The following KCNH1 variants were observed in gnomAD, a reference collection of about 807,000 sequenced individuals.
KCNH1 encodes potassium voltage-gated channel subfamily H member 1, also known as voltage-gated delayed rectifier potassium channel KCNH1.
KCNH1 carries 27 observed loss-of-function variants against 69.2 expected under a neutral mutation model. That is an observed-to-expected ratio of 0.39 (90% CI 0.29 to 0.54). The LOEUF is 0.54. Ranked by LOEUF, KCNH1 falls within the 20% of genes least tolerant of loss-of-function variation. The probability of loss-of-function intolerance (pLI) is 0.68; values close to 1 mark genes in which losing one functional copy is unlikely to be tolerated. For synonymous variants in KCNH1, 456 were observed against 487.7 expected (o/e 0.93, Z 0.86); for missense variants, 798 against 1,261.6 (o/e 0.63, Z 5.57).
intron 5 of KCNH1, among the ~76,000 whole-genome samples, chr1:211,039,995 C>T (rs556962969): frequency 2.0e-5 from 3 of 152,238 alleles, no homozygotes; most frequent in Admixed American, 6.5e-5. Context: ...CGAGACCATC[C>T]TGGCTAACAC....
intron 7 of KCNH1, among the ~76,000 whole-genome samples, chr1:210,910,809 T>A (rs1271877808): frequency 1.3e-5 from 2 of 152,258 alleles, no homozygotes; most frequent in African/African-American, 4.8e-5. Flanking sequence ...TCATTCATCA[T>A]TATTAATACT....
chr1:211,045,680 A>G (rs1690084494), intron 5 of KCNH1, among the ~76,000 whole-genome samples: 1 of 152,126 alleles, frequency 6.6e-6, no homozygotes, highest in African/African-American at 2.4e-5. Flanking sequence ...CCTCTTTATT[A>G]TTGTCTGATA....
At chr1:210,714,096 TCTC>T (rs1185899562) in intron 10 of KCNH1, among the ~76,000 whole-genome samples, 3 of 152,118 alleles carry the variant, frequency 2.0e-5, no homozygotes, top group Non-Finnish European at 2.9e-5. Flanking sequence ...GAAGAGGTCT[TCTC>T]CTATCTAGAG....
intron 10 of KCNH1, among the ~76,000 whole-genome samples, chr1:210,686,027 G>A (rs1681401236): frequency 6.6e-6 from 1 of 152,134 alleles, no homozygotes; most frequent in Admixed American, 6.5e-5. Context: ...TCCAGTATGT[G>A]GCTTTCTGAC....
chr1:210,937,761 ACC>A (rs1687798937), intron 6 of KCNH1, among the ~76,000 whole-genome samples: 1 of 152,096 alleles, frequency 6.6e-6, no homozygotes, highest in African/African-American at 2.4e-5. Flanking sequence ...TCTTTTAATA[ACC>A]TTTTTTCCTC....
chr1:210,737,639 C>G (rs1275653086), intron 10 of KCNH1, among the ~76,000 whole-genome samples: 1 of 152,168 alleles, frequency 6.6e-6, no homozygotes, highest in African/African-American at 2.4e-5. Flanking sequence ...ATGCCCTCTC[C>G]CCCTGCACAT....
chr1:210,917,253 A>AAGAAAGAT (rs1687361812), intron 7 of KCNH1, among the ~76,000 whole-genome samples: 1 of 148,530 alleles, frequency 6.7e-6, no homozygotes, highest in African/African-American at 2.5e-5. Flanking sequence ...GAAAGAAAGA[A>AAGAAAGAT]AGAAAGAAAG....
intron 7 of KCNH1, among the ~76,000 whole-genome samples, chr1:210,887,823 G>A (rs1056211925): frequency 9.3e-5 from 14 of 150,704 alleles, no homozygotes; most frequent in East Asian, 3.9e-4. Flanking sequence ...AGGCCATTAC[G>A]TAATGGTAAA....
chr1:210,939,590 A>G (rs565500675), intron 6 of KCNH1, among the ~76,000 whole-genome samples: 2 of 152,314 alleles, frequency 1.3e-5, no homozygotes, highest in African/African-American at 2.4e-5. Flanking sequence ...AGAATAATCA[A>G]TATTTATTGA....
chr1:210,910,067 C>T (rs1045481013), intron 7 of KCNH1, among the ~76,000 whole-genome samples: 3 of 151,560 alleles, frequency 2.0e-5, no homozygotes, highest in African/African-American at 7.3e-5. Flanking sequence ...GGTAAACAGT[C>T]AGAGGTGGTC....
chr1:210,943,000 T>C (rs1031489231), intron 6 of KCNH1, among the ~76,000 whole-genome samples: 5 of 152,172 alleles, frequency 3.3e-5, no homozygotes, highest in Non-Finnish European at 5.9e-5. Flanking sequence ...ATAAAAATAA[T>C]TTTAAAGAAC....
intron 1 of KCNH1, among the ~76,000 whole-genome samples, chr1:211,109,985 C>A (rs1691427952): frequency 6.9e-6 from 1 of 144,384 alleles, no homozygotes; most frequent in Non-Finnish European, 1.5e-5. Flanking sequence ...TAAAGTCTTA[C>A]AGAAAGTAGT....
chr1:210,805,230 T>C (rs1338143103), intron 7 of KCNH1, among the ~76,000 whole-genome samples: 1 of 152,230 alleles, frequency 6.6e-6, no homozygotes, highest in Admixed American at 6.5e-5. Context: ...CCCTAGGATC[T>C]AACACTATAC....
At chr1:211,080,301 G>A (rs1224628983) in intron 5 of KCNH1, among the ~76,000 whole-genome samples, 1 of 152,104 alleles carries the variant, frequency 6.6e-6, no homozygotes, top group Non-Finnish European at 1.5e-5. Flanking sequence ...ACAAACCACT[G>A]CTCGATGAAA....
chr1:211,119,993 C>G (rs1239446521), intron 1 of KCNH1, among the ~76,000 whole-genome samples: 1 of 151,978 alleles, frequency 6.6e-6, no homozygotes, highest in African/African-American at 2.4e-5. Context: ...AACAGATGAA[C>G]CAGTTTCACA....
chr1:211,039,496 A>T (rs1689953105), intron 5 of KCNH1, among the ~76,000 whole-genome samples: 1 of 152,154 alleles, frequency 6.6e-6, no homozygotes, highest in African/African-American at 2.4e-5. Context: ...TCCACTGTGC[A>T]CCCAGAAAAG....
At chr1:210,931,215 A>G (rs1687674170) in intron 6 of KCNH1, among the ~76,000 whole-genome samples, 1 of 152,210 alleles carries the variant, frequency 6.6e-6, no homozygotes, top group Non-Finnish European at 1.5e-5. Context: ...ACTTGCACAC[A>G]CATATTTATT....
At chr1:210,711,715 A>G (rs1211525471) in intron 10 of KCNH1, among the ~76,000 whole-genome samples, 1 of 152,198 alleles carries the variant, frequency 6.6e-6, no homozygotes, top group Non-Finnish European at 1.5e-5. Flanking sequence ...CGCTATGGTC[A>G]TCAACTTTCT....
chr1:211,111,485 A>G (rs1012637360), intron 1 of KCNH1, among the ~76,000 whole-genome samples: 2 of 141,568 alleles, frequency 1.4e-5, no homozygotes, highest in African/African-American at 5.4e-5. Context: ...ATCGTCTGGG[A>G]AGTGAGAACG....
Sources: gnomAD v4.1 joint callset for allele counts (sites outside exome capture counted in the v4.1 genomes callset) on GRCh38, gnomAD v4.1.1 for gene constraint, MANE v1.5 for transcripts, NCBI Gene and HGNC (gene_info 2026-07-23, HGNC 2026-07-21) for gene names.